The following RHBDL1 variants were observed in gnomAD, a reference collection of about 807,000 sequenced individuals.
RHBDL1 encodes the protein rhomboid like 1, also known as rhomboid-related protein 1.
RHBDL1 carries 21 observed loss-of-function variants against 34.0 expected under a neutral mutation model. The ratio of observed to expected loss-of-function variants is 0.62; its 90% CI spans 0.44 to 0.89. RHBDL1 has a LOEUF of 0.89. Ranked by LOEUF, RHBDL1 falls within the 40% of genes least tolerant of loss-of-function variation. RHBDL1 has a pLI of 0.00. For missense variants in RHBDL1, 450 were observed against 530.6 expected, an observed-to-expected ratio of 0.85 and a Z score of 1.49; for synonymous variants, 268 against 234.8, an observed-to-expected ratio of 1.14 and a Z score of -1.29.
In RHBDL1 at chr16:678,029, G is replaced by C. The variant is rs747998557; in HGVS notation, c.1099G>C (p.Ala367Pro). 6.3e-7 allele frequency: 1 copy of C among 1,581,226 alleles called. No individual in the cohort carries two copies. Among genetic ancestry groups the C allele is most frequent in the Non-Finnish European group, 8.6e-7 (1 of 1,169,484 alleles). The change falls in exon 8 of 8, where the codon GCC becomes CCC. Residue 367 changes from alanine (A) to proline (P), a missense_variant. Physicochemically the swap from Ala to Pro is conservative, Grantham distance 27. Transcript: ENST00000352681. ...WNVFAYDLLG[A>P]HIPPPP is the part of the protein sequence containing the mutation. ...CGTCTTCGCCTACGACCTGCTGGGC[G>C]CCCACATCCCCCCACCGCCCTGACC...
Position 676,059 on chromosome 16 carries a change from C to T in RHBDL1, c.39+230C>T, listed in dbSNP as rs1385246498. ...GAGGGAGGGAGGGAGGGAGGGAGGGCGGGCAGCTGGCTGGTCTTGGACCTT... is the reference window on the plus strand; with the variant it reads ...GAGGGAGGGAGGGAGGGAGGGAGGGTGGGCAGCTGGCTGGTCTTGGACCTT... On this transcript the variant is annotated intron_variant, in intron 1 of 7. Transcript: ENST00000352681. This position sits in a 1 kb window ranked among gnomAD's most constrained non-coding sequence, Gnocchi z 6.9. 13 of 770,414 alleles carry T rather than the reference C, an allele frequency of 1.7e-5. No individual in the cohort carries two copies. Among genetic ancestry groups the T allele is most frequent in the South Asian group, 9.7e-5 (5 of 51,292 alleles). 47.7% of individuals were successfully genotyped at this position (770,414 alleles called of 1,614,324 possible). A position where few individuals can be genotyped will look rare whatever the true frequency, so the allele number is the denominator to read the frequency against.
In RHBDL1 at chr16:676,121, G is replaced by A. The variant is rs200482219; in HGVS notation, c.40-215G>A. On this transcript the variant is annotated intron_variant, in intron 1 of 7. Transcript: ENST00000352681. This position sits in a 1 kb window ranked among gnomAD's most constrained non-coding sequence, Gnocchi z 6.9. ...TCCAGGATGGGTAGGGTGGAAGACG[G>A]GGGAACAACTGAGGAGCTGGAGGAC... 3.4e-6 allele frequency: 5 copies of A among 1,456,442 alleles called. 1 individual carries two copies. The South Asian group carries it at 5.7e-5, about 17-fold the overall frequency. The allele number at this position is 1,456,442 out of a possible 1,614,324, so 90.2% of individuals were successfully genotyped here.
rs2039556392 is a variant in RHBDL1, at chr16:676,981, T to C, written c.437T>C (p.Phe146Ser). The change falls in exon 4 of 8, where the codon TTC becomes TCC. Residue 146 changes from phenylalanine (F) to serine (S), a missense_variant. Physicochemically the swap from Phe to Ser is radical, Grantham distance 155. Coordinates refer to ENST00000352681, the MANE Select transcript of RHBDL1 (RefSeq NM_001278720.2). This position sits in a 1 kb window ranked among gnomAD's most constrained non-coding sequence, Gnocchi z 6.9. ...CACTCGTGTCCCCAGATCATCGTGT[T>C]CCTGTGTTACGGGGCCCGCCTCAAC... Reference protein sequence around the residue: ...ASVTLAQIIVFLCYGARLNKW... With the variant: ...ASVTLAQIIVSLCYGARLNKW... 1 of 1,612,216 alleles carries C rather than the reference T, an allele frequency of 6.2e-7. No individual in the cohort carries two copies. Among genetic ancestry groups the C allele is most frequent in the African/African-American group, 1.3e-5 (1 of 74,802 alleles).
Position 676,956 on chromosome 16 carries a change from C to T in RHBDL1, c.427-15C>T. The stretch of plus-strand genomic sequence containing the variant: ...GCGCTCCTGGCCATGACCAGCCTAA[C>T]ACTCGTGTCCCCAGATCATCGTGTT... On this transcript the variant is annotated splice_polypyrimidine_tract_variant and intron_variant, in intron 3 of 7. Coordinates refer to ENST00000352681, the MANE Select transcript of RHBDL1 (RefSeq NM_001278720.2). The surrounding 1 kb of genome is among the most constrained non-coding windows in gnomAD (Gnocchi z 6.9). 6.2e-7 allele frequency: 1 copy of T among 1,612,024 alleles called. No homozygotes were observed. Among genetic ancestry groups the T allele is most frequent in the East Asian group, 2.2e-5 (1 of 44,832 alleles).
At position 675,843 on chromosome 16, in the gene RHBDL1, T is replaced by C. The variant is rs1015425664; in HGVS notation, c.39+14T>C. On this transcript the variant is annotated intron_variant, in intron 1 of 7. Coordinates refer to ENST00000352681, the MANE Select transcript of RHBDL1 (RefSeq NM_001278720.2). ...ATCCAGGAGCAGGTGCGTCGGGGGG[T>C]GGTCTGGGGAGCTGGCACCGCCCCC... 4.0e-6 allele frequency: 6 copies of C among 1,497,766 alleles called. No homozygotes were observed. The highest frequency in any genetic ancestry group is 2.1e-5 in the Admixed American group (1 of 48,022). The allele number at this position is 1,497,766 out of a possible 1,614,324, so 92.8% of individuals were successfully genotyped here. A position where few individuals can be genotyped will look rare whatever the true frequency, so the allele number is the denominator to read the frequency against.
rs776351853 is a variant in RHBDL1 at position 676,916 on chromosome 16, C to T, written c.426+20C>T. 1 of 1,611,508 alleles carries T rather than the reference C, an allele frequency of 6.2e-7. No homozygotes were observed. The highest frequency in any genetic ancestry group is 1.7e-5 in the Admixed American group (1 of 59,966). On this transcript the variant is annotated intron_variant, in intron 3 of 7. Transcript: ENST00000352681. This position sits in a 1 kb window ranked among gnomAD's most constrained non-coding sequence, Gnocchi z 6.9. ...GCCCAGGTGGGCCCCCCGGCCGCTG[C>T]CCCGGGAGCCTCCCGCGCTCCTGGC...
At position 677,108 on chromosome 16, in the gene RHBDL1, C is replaced by G; in HGVS notation, c.564C>G (p.Phe188Leu). 1 of 1,612,010 alleles carries G rather than the reference C, an allele frequency of 6.2e-7. No individual in the cohort carries two copies. The highest frequency in any genetic ancestry group is 2.2e-5 in the East Asian group (1 of 44,842). The change falls in exon 4 of 8, where the codon TTC (phenylalanine) becomes TTG (leucine). Residue 188 changes from phenylalanine to leucine, a missense_variant. Transcript: ENST00000352681. ...ARAWRFLTYMFMHVGLEQLGF... is the reference protein window; with the variant it reads ...ARAWRFLTYMLMHVGLEQLGF... ...CCTGGCGCTTCCTCACCTACATGTT[C>G]ATGCACGTTGGGTGAGTAGCACTGC...
chr16:677,215 C>T, intron 4 of RHBDL1, 61 bp from the exon 5 acceptor site: 1 of 1,561,726 alleles, frequency 6.4e-7, no homozygotes, highest in Non-Finnish European at 8.7e-7. Context: ...GAGGTGACGG[C>T]TGGGGGTGGG....
rs748708551 is a variant in RHBDL1 at position 678,023 on chromosome 16, C to T, written c.1093C>T (p.Leu365=). ...CTGGAACGTCTTCGCCTACGACCTGCTGGGCGCCCACATCCCCCCACCGCC... is the reference window on the plus strand; with the variant it reads ...CTGGAACGTCTTCGCCTACGACCTGTTGGGCGCCCACATCCCCCCACCGCC... The part of the protein sequence containing the change: ...VFWNVFAYDL[L]GAHIPPPP Residue 365 remains leucine, a synonymous_variant, in exon 8 of 8, where the codon CTG becomes TTG. Transcript: ENST00000352681. 8.2e-6 allele frequency: 13 copies of T among 1,584,074 alleles called. No individual in the cohort carries two copies. Among genetic ancestry groups the T allele is most frequent in the Non-Finnish European group, 1.0e-5 (12 of 1,170,924 alleles).
Position 677,301 on chromosome 16 carries a change from C to A in RHBDL1, c.601C>A (p.Leu201Ile). 6.4e-7 allele frequency: 1 copy of A among 1,569,936 alleles called. No homozygotes were observed. The highest frequency in any genetic ancestry group is 2.4e-5 in the East Asian group (1 of 42,002). Residue 201 changes from leucine (L) to isoleucine (I), a missense_variant, in exon 5 of 8, where the codon CTC becomes ATC. By Grantham distance (5) the Leu-to-Ile change is conservative (BLOSUM62 2). Coordinates refer to ENST00000352681, the MANE Select transcript of RHBDL1 (RefSeq NM_001278720.2). ...VGLEQLGFNA[L>I]LQLMIGVPLE... Reference sequence around the variant, plus strand: ...GCTGGAGCAGCTGGGGTTCAACGCCCTCCTGCAGCTGATGATCGGGGTGCC... The same window carrying A: ...GCTGGAGCAGCTGGGGTTCAACGCCATCCTGCAGCTGATGATCGGGGTGCC...
intron 6 of RHBDL1, 34 bp from the exon 7 acceptor site, chr16:677,605 A>G (rs1184841199): frequency 1.2e-5 from 19 of 1,604,306 alleles, no homozygotes; most frequent in Non-Finnish European, 1.6e-5. Context: ...GCCCCAGGTG[A>G]GCCTCACCAC....
In RHBDL1 at chr16:677,821, C is replaced by A. The variant is rs753867927; in HGVS notation, c.891C>A (p.Ser297=). 5 of 1,573,622 alleles carry A rather than the reference C, an allele frequency of 3.2e-6. No individual in the cohort carries two copies. Among genetic ancestry groups the A allele is most frequent in the Non-Finnish European group, 4.3e-6 (5 of 1,165,482 alleles). The part of the protein sequence containing the change: ...EVGRAVWLRF[S]PPLPASGPQP... The stretch of plus-strand genomic sequence containing the variant: ...GCCGGGCCGTGTGGCTGCGCTTCTC[C>A]CCGCCGCTGCCCGCCTCGGGCCCAC... The change falls in exon 8 of 8, where the codon TCC becomes TCA. Residue 297 remains serine, a synonymous_variant. Coordinates refer to ENST00000352681, the MANE Select transcript of RHBDL1 (RefSeq NM_001278720.2).
Position 675,731 on chromosome 16 carries a change from C to T in RHBDL1, c.-60C>T. ...GGCTGGGGCGGAGCGGAGTCGTCCGCAGAGCAGCCCCTCCCGGCCGCGGCC... is the reference window on the plus strand; with the variant it reads ...GGCTGGGGCGGAGCGGAGTCGTCCGTAGAGCAGCCCCTCCCGGCCGCGGCC... On this transcript the variant is annotated 5_prime_UTR_variant, in exon 1 of 8. Coordinates refer to ENST00000352681, the MANE Select transcript of RHBDL1 (RefSeq NM_001278720.2). 2 of 1,101,544 alleles carry T rather than the reference C, an allele frequency of 1.8e-6. No homozygotes were observed. The highest frequency in any genetic ancestry group is 2.5e-6 in the Non-Finnish European group (2 of 812,370). The allele number at this position is 1,101,544 out of a possible 1,614,324, so 68.2% of individuals were successfully genotyped here. A position where few individuals can be genotyped will look rare whatever the true frequency, so the allele number is the denominator to read the frequency against.
chr16:676,802 A>T lies in RHBDL1; in HGVS notation c.332A>T (p.Glu111Val), dbSNP rs781489632. 1 of 1,610,702 alleles carries T rather than the reference A, an allele frequency of 6.2e-7. No individual in the cohort carries two copies. Among genetic ancestry groups the T allele is most frequent in the Non-Finnish European group, 8.5e-7 (1 of 1,179,492 alleles). Residue 111 changes from glutamate (E) to valine (V), a missense_variant, in exon 3 of 8, where the codon GAG (glutamate) becomes GTG (valine). By Grantham distance (121) the Glu-to-Val change is moderately radical. Transcript: ENST00000352681. The surrounding 1 kb of genome is among the most constrained non-coding windows in gnomAD (Gnocchi z 6.9). ...CGGTTTGTGCGTTACGTGGCCTACG[A>T]GATCCTGCCTTGTGAGGTGGACCGC... Reference protein sequence around the residue: ...YKRFVRYVAYEILPCEVDRRW... With the variant: ...YKRFVRYVAYVILPCEVDRRW...
At position 678,103 on chromosome 16, in the gene RHBDL1, C is replaced by T. The variant is rs1431094593; in HGVS notation, c.*51C>T. 3 of 1,486,824 alleles carry T rather than the reference C, an allele frequency of 2.0e-6. No individual in the cohort carries two copies. Among genetic ancestry groups the T allele is most frequent in the Admixed American group, 2.3e-5 (1 of 44,276 alleles). 92.1% of individuals were successfully genotyped at this position (1,486,824 alleles called of 1,614,324 possible). A position where few individuals can be genotyped will look rare whatever the true frequency, so the allele number is the denominator to read the frequency against. On this transcript the variant is annotated 3_prime_UTR_variant, in exon 8 of 8. Coordinates refer to ENST00000352681, the MANE Select transcript of RHBDL1 (RefSeq NM_001278720.2). ...AGGGCTCGGGCATGTGGTGGCCGCC[C>T]ACCAGGGGCCTTCACGTCTGCCCTT...
rs965701474 is a variant in RHBDL1, at chr16:675,956, C to T, written c.39+127C>T. 20 of 1,406,844 alleles carry T rather than the reference C, an allele frequency of 1.4e-5. No homozygotes were observed. The East Asian group carries it at 5.0e-4, about 35-fold the overall frequency. 87.1% of individuals were successfully genotyped at this position (1,406,844 alleles called of 1,614,324 possible). A position where few individuals can be genotyped will look rare whatever the true frequency, so the allele number is the denominator to read the frequency against. ...CGGTACCTACCTCATCCCTCCACGA[C>T]CTTGGTCCGTGTGTCTGGGACCCCA... is the stretch of plus-strand genomic sequence containing the variant. On this transcript the variant is annotated intron_variant, in intron 1 of 7. Transcript: ENST00000352681.
In RHBDL1 at chr16:677,909, C is replaced by A; in HGVS notation, c.979C>A (p.Leu327Met). ...GGGGGTGAGCATGGGCCTGACCATCCTGCGGAGCTACGAGGAGCGCCTGCG... is the reference window on the plus strand; with the variant it reads ...GGGGGTGAGCATGGGCCTGACCATCATGCGGAGCTACGAGGAGCGCCTGCG... The part of the protein sequence containing the change: ...VVGVSMGLTI[L>M]RSYEERLRDQ... Residue 327 changes from leucine (L) to methionine (M), a missense_variant, in exon 8 of 8, where the codon CTG (leucine) becomes ATG (methionine). Leu to Met is a conservative substitution (Grantham distance 15, BLOSUM62 2). Transcript: ENST00000352681. The A allele has an allele frequency of 6.2e-7, 1 of 1,602,802 alleles. No individual in the cohort carries two copies.
chr16:677,549 A>C lies in RHBDL1; in HGVS notation c.779A>C (p.Asn260Thr), dbSNP rs1178109715. ...GCCCTGTGCTCGGCACACCTGGCCA[A>C]CGTTGTCATGGTAACGGGCCTGCCC... Reference protein sequence around the residue: ...VYALCSAHLANVVMNWAGMRC... With the variant: ...VYALCSAHLATVVMNWAGMRC... The change falls in exon 6 of 8, where the codon AAC becomes ACC. Residue 260 changes from asparagine to threonine, a missense_variant. Transcript: ENST00000352681. The C allele has an allele frequency of 6.2e-7, 1 of 1,610,426 alleles. No homozygotes were observed. Among genetic ancestry groups the C allele is most frequent in the East Asian group, 2.2e-5 (1 of 44,862 alleles).
rs199720411 is a variant in RHBDL1 at position 676,902 on chromosome 16, C to G, written c.426+6C>G. 6.2e-7 allele frequency: 1 copy of G among 1,611,178 alleles called. No homozygotes were observed. Among genetic ancestry groups the G allele is most frequent in the Non-Finnish European group, 8.5e-7 (1 of 1,179,048 alleles). ...CCTCGGTCACTCTTGCCCAGGTGGGCCCCCCGGCCGCTGCCCCGGGAGCCT... is the reference window on the plus strand; with the variant it reads ...CCTCGGTCACTCTTGCCCAGGTGGGGCCCCCGGCCGCTGCCCCGGGAGCCT... On this transcript the variant is annotated splice_donor_region_variant and intron_variant, in intron 3 of 7. Transcript: ENST00000352681. This position sits in a 1 kb window ranked among gnomAD's most constrained non-coding sequence, Gnocchi z 6.9.
Sources: allele counts gnomAD v4.1 joint callset, GRCh38; gene constraint gnomAD v4.1.1; non-coding constraint Gnocchi (gnomAD v3.1); transcripts MANE v1.5; gene names NCBI Gene and HGNC (gene_info 2026-07-23, HGNC 2026-07-21).